Variants in CYTH1 observed in about 807,000 individuals in gnomAD.
CYTH1 encodes the protein cytohesin 1.
CYTH1 carries 18 observed loss-of-function variants against 61.8 expected under a neutral mutation model. That is an observed-to-expected ratio of 0.29 (90% CI 0.20 to 0.43). CYTH1 has a LOEUF of 0.43. Among genes scored for constraint, CYTH1 ranks in the 20% least tolerant of loss-of-function variants. The probability of loss-of-function intolerance (pLI) is 1.00; values close to 1 mark genes in which losing one functional copy is unlikely to be tolerated. For synonymous variants in CYTH1, 174 were observed against 184.3 expected (o/e 0.94, Z 0.45); for missense variants, 336 against 510.5 (o/e 0.66, Z 3.29).
chr17:78,701,309 A>G (rs2093006575), intron 6 of CYTH1, among the ~76,000 whole-genome samples: 1 of 152,260 alleles, frequency 6.6e-6, no homozygotes, highest in Non-Finnish European at 1.5e-5. Context: ...TAAAAAATTA[A>G]GGTTTACTTT....
chr17:78,766,735 C>T (rs2093450126), intron 1 of CYTH1, among the ~76,000 whole-genome samples: 2 of 152,146 alleles, frequency 1.3e-5, no homozygotes, highest in Non-Finnish European at 2.9e-5. Flanking sequence ...ATAAATTCAT[C>T]TCTGAGAGGT....
At chr17:78,679,926 G>C (rs1294784606) in intron 13 of CYTH1, among the ~76,000 whole-genome samples, 2 of 152,170 alleles carry the variant, frequency 1.3e-5, no homozygotes, top group Non-Finnish European at 2.9e-5. Flanking sequence ...CATCTGTGTG[G>C]GTAGCTCACT....
At chr17:78,694,223 C>A (rs1453818265) in intron 10 of CYTH1, among the ~76,000 whole-genome samples, 1 of 152,230 alleles carries the variant, frequency 6.6e-6, no homozygotes, top group Non-Finnish European at 1.5e-5. Context: ...GGCGGGCTTA[C>A]GTGACTGATC....
chr17:78,676,254 C>A lies in CYTH1; in HGVS notation c.1119-85G>T, dbSNP rs1598802519. The A allele has an allele frequency of 1.6e-5, 22 of 1,376,020 alleles. No individual in the cohort carries two copies. In the South Asian group the frequency reaches 2.8e-4, roughly 18 times the overall value. The allele number at this position is 1,376,020 out of a possible 1,614,324, so 85.2% of individuals were successfully genotyped here. A position where few individuals can be genotyped will look rare whatever the true frequency, so the allele number is the denominator to read the frequency against. ...CCAGGCAGGGGATTCTCAGGGGCCC[C>A]TCGTGCCCCAGAACACCTGTCCCAC... is the stretch of plus-strand genomic sequence containing the variant. On this transcript the variant is annotated intron_variant, in intron 13 of 13. Transcript: ENST00000446868.
At chr17:78,680,673 G>A (rs2092751355) in intron 12 of CYTH1, among the ~76,000 whole-genome samples, 1 of 152,166 alleles carries the variant, frequency 6.6e-6, no homozygotes, top group East Asian at 1.9e-4. Context: ...AACTAAACGG[G>A]AGGTGTCCCA....
At chr17:78,731,895 G>A (rs1410261154) in intron 1 of CYTH1, among the ~76,000 whole-genome samples, 1 of 152,144 alleles carries the variant, frequency 6.6e-6, no homozygotes, top group Admixed American at 6.5e-5. Flanking sequence ...AGGGAAAAAT[G>A]AGAGATGGAT....
chr17:78,690,997 G>C (rs1293082710), intron 11 of CYTH1, among the ~76,000 whole-genome samples: 1 of 152,164 alleles, frequency 6.6e-6, no homozygotes, highest in Non-Finnish European at 1.5e-5. Context: ...AGGGCAGAAG[G>C]GTGAACAAAA....
At position 78,717,200 on chromosome 17, in the gene CYTH1, C is replaced by A. The variant is rs1304261060; in HGVS notation, c.23-7468G>T. On this transcript the variant is annotated intron_variant, in intron 1 of 13. Transcript: ENST00000446868. This position sits in a 1 kb window ranked among gnomAD's most constrained non-coding sequence, Gnocchi z 4.4. ...TGGGGAGGGCAGCAGGTTGTCCCTG[C>A]CGGCAGCCTGAGCACAATGGAGACA... 2.0e-5 allele frequency among the ~76,000 whole-genome samples: 3 copies of A among 152,180 alleles called. No individual in the cohort carries two copies. The highest frequency in any genetic ancestry group is 6.5e-5 in the Admixed American group (1 of 15,270).
chr17:78,760,463 ATATATATG>A lies in CYTH1; in HGVS notation c.22+21731_22+21738del, dbSNP rs1198669474. Among the ~76,000 whole-genome samples, 358 of 51,034 alleles carry A rather than the reference ATATATATG, an allele frequency of 7.0e-3. 14 individuals are homozygous for A. Among genetic ancestry groups the A allele is most frequent in the South Asian group, 0.041 (76 of 1,840 alleles). The allele number at this position is 51,034 out of a possible 152,430, so 33.5% of individuals were successfully genotyped here. ...TATATGTATATATATATACATACAT[ATATATATG>A]TATATATATGTATGTATATATATAT... On this transcript the variant is annotated intron_variant, in intron 1 of 13. Coordinates refer to ENST00000446868, the MANE Select transcript of CYTH1 (RefSeq NM_004762.6).
intron 1 of CYTH1, among the ~76,000 whole-genome samples, chr17:78,765,780 G>A (rs2093446088): frequency 1.3e-5 from 2 of 152,294 alleles, no homozygotes; most frequent in South Asian, 4.1e-4. Flanking sequence ...AGAGTCCACA[G>A]CTGAGCTGAG....
intron 1 of CYTH1, among the ~76,000 whole-genome samples, chr17:78,763,909 G>C (rs773550556): frequency 6.6e-6 from 1 of 152,150 alleles, no homozygotes; most frequent in Non-Finnish European, 1.5e-5. Flanking sequence ...TCAGGAGTTT[G>C]AGACCAGTCT....
chr17:78,709,832 C>G, intron 1 of CYTH1, 100 bp from the exon 2 acceptor site: 1 of 1,031,590 alleles, frequency 9.7e-7, no homozygotes, highest in Non-Finnish European at 1.5e-6. Context: ...AAGAAAGAAA[C>G]TAGAAGTCAG....
chr17:78,691,187 T>A (rs975368301), intron 11 of CYTH1: 1 of 152,256 alleles, frequency 6.6e-6, no homozygotes, highest in South Asian at 2.1e-4. Context: ...CTACAACATA[T>A]GAAATCCCGG....
chr17:78,728,786 G>A (rs1376240513), intron 1 of CYTH1, among the ~76,000 whole-genome samples: 4 of 152,262 alleles, frequency 2.6e-5, no homozygotes, highest in South Asian at 2.1e-4. Flanking sequence ...AAACACACAC[G>A]TAGCACTTTG....
At chr17:78,689,601 G>A (rs2092855947) in intron 11 of CYTH1, among the ~76,000 whole-genome samples, 1 of 152,152 alleles carries the variant, frequency 6.6e-6, no homozygotes, top group African/African-American at 2.4e-5. Flanking sequence ...TGTGTGGCCT[G>A]GCTCGTAACA....
At chr17:78,680,741 C>T (rs1047427720) in intron 12 of CYTH1, among the ~76,000 whole-genome samples, 1 of 152,198 alleles carries the variant, frequency 6.6e-6, no homozygotes, top group African/African-American at 2.4e-5. Context: ...GCAGGAGGGG[C>T]AACTTCTACA....
chr17:78,731,964 T>A (rs979451114), intron 1 of CYTH1, among the ~76,000 whole-genome samples: 1 of 152,160 alleles, frequency 6.6e-6, no homozygotes, highest in Non-Finnish European at 1.5e-5. Context: ...AGCAGTAAAC[T>A]GCATGCAGGT....
intron 1 of CYTH1, among the ~76,000 whole-genome samples, chr17:78,748,367 C>G (rs1413307451): frequency 6.6e-6 from 1 of 152,198 alleles, no homozygotes; most frequent in Non-Finnish European, 1.5e-5. Context: ...ATAGTTTCAA[C>G]ACAGTCCTGG....
chr17:78,717,281 T>C lies in CYTH1; in HGVS notation c.23-7549A>G, dbSNP rs775507744. Among the ~76,000 whole-genome samples, 22 of 152,014 alleles carry C rather than the reference T, an allele frequency of 1.4e-4. No homozygotes were observed. Among genetic ancestry groups the C allele is most frequent in the Non-Finnish European group, 2.2e-4 (15 of 67,986 alleles). ...CCCGGTCGCTCGCCCTCCTCGCCCA[T>C]TGCCAGAGGGGCACCCGGAATCCAT... On this transcript the variant is annotated intron_variant, in intron 1 of 13. Transcript: ENST00000446868. The surrounding 1 kb of genome is among the most constrained non-coding windows in gnomAD (Gnocchi z 4.4).
Sources: gnomAD v4.1 joint callset for allele counts (sites outside exome capture counted in the v4.1 genomes callset) on GRCh38, gnomAD v4.1.1 for gene constraint, Gnocchi (gnomAD v3.1) non-coding constraint, MANE v1.5 for transcripts, NCBI Gene and HGNC (gene_info 2026-07-23, HGNC 2026-07-21) for gene names.